TRAM1: variants seen among roughly 807,000 people sequenced by gnomAD.
The protein encoded by TRAM1 is translocation associated membrane protein 1, also known as translocating chain-associated membrane protein 1.
A neutral mutation model predicts 48.7 loss-of-function variants in TRAM1; 17 were observed. The ratio of observed to expected loss-of-function variants is 0.35; its 90% CI spans 0.24 to 0.52. TRAM1 has a LOEUF of 0.52. Ranked by LOEUF, TRAM1 falls within the 20% of genes least tolerant of loss-of-function variation. The probability of loss-of-function intolerance (pLI) is 0.94; values close to 1 mark genes in which losing one functional copy is unlikely to be tolerated. For synonymous variants in TRAM1, 182 were observed against 154.0 expected, an observed-to-expected ratio of 1.18 and a Z score of -1.34; for missense variants, 351 against 441.5, an observed-to-expected ratio of 0.79 and a Z score of 1.84.
intron 2 of TRAM1, 58 bp from the exon 3 acceptor site, chr8:70,598,313 A>G: frequency 6.6e-7 from 1 of 1,519,014 alleles, no homozygotes; most frequent in Non-Finnish European, 8.9e-7. Context: ...TAAAAACAGC[A>G]TTAAGTACAA....
chr8:70,588,720 A>G (rs1404265277), intron 6 of TRAM1, among the ~76,000 whole-genome samples: 1 of 152,280 alleles, frequency 6.6e-6, no homozygotes, highest in East Asian at 1.9e-4. Context: ...CTTTGGTTGC[A>G]GTAAAAATGT....
At chr8:70,588,650 T>C (rs1040942317) in intron 6 of TRAM1, among the ~76,000 whole-genome samples, 2 of 152,172 alleles carry the variant, frequency 1.3e-5, no homozygotes, top group African/African-American at 2.4e-5. Context: ...ATGAAAATTG[T>C]ATTCCACATT....
At chr8:70,600,268 A>T (rs1817579064) in intron 1 of TRAM1, among the ~76,000 whole-genome samples, 186 bp from the exon 2 acceptor site, 1 of 152,174 alleles carries the variant, frequency 6.6e-6, no homozygotes, top group Non-Finnish European at 1.5e-5. Flanking sequence ...TCACTAGAGT[A>T]CTCTTCTGCG....
Position 70,590,404 on chromosome 8 carries a change from G to A in TRAM1, c.571-3228C>T, listed in dbSNP as rs201443356. Among the ~76,000 whole-genome samples the A allele has an allele frequency of 1.1e-4, 16 of 152,236 alleles. No homozygotes were observed. In the East Asian group the frequency reaches 1.3e-3, roughly 13 times the overall value. ...AAATTTCAACCCAATTAGGTGGAGC[G>A]CAGTTGTGCTTGACATTAGCTAAGG... On this transcript the variant is annotated intron_variant, in intron 6 of 10. Transcript: ENST00000262213.
chr8:70,587,083 A>T (rs756407152), intron 7 of TRAM1, 23 bp downstream of exon 7: 6 of 1,613,436 alleles, frequency 3.7e-6, no homozygotes, highest in Non-Finnish European at 5.1e-6. Flanking sequence ...CTACTTACAC[A>T]CCCATGAAAT....
chr8:70,586,447 T>C (rs1459520127), intron 8 of TRAM1, among the ~76,000 whole-genome samples: 1 of 151,344 alleles, frequency 6.6e-6, no homozygotes. Flanking sequence ...AAAAAAAGAG[T>C]CCCAGTTTTA....
chr8:70,603,754 A>G (rs1817660866), intron 1 of TRAM1, among the ~76,000 whole-genome samples: 1 of 152,220 alleles, frequency 6.6e-6, no homozygotes, highest in South Asian at 2.1e-4. Context: ...GAGATTCTTC[A>G]AAGATAAATT....
At chr8:70,587,432 C>G in intron 6 of TRAM1, 1 of 405,450 alleles carries the variant, frequency 2.5e-6, no homozygotes, top group Non-Finnish European at 4.4e-6. Context: ...CCACCGCAAT[C>G]TCTCATCCTC....
intron 6 of TRAM1, among the ~76,000 whole-genome samples, chr8:70,591,970 T>C (rs968059311): frequency 1.3e-5 from 2 of 152,172 alleles, no homozygotes; most frequent in African/African-American, 4.8e-5. Flanking sequence ...AACATCAAAG[T>C]TGCATATGAA....
intron 1 of TRAM1, chr8:70,606,951 C>T: frequency 2.0e-6 from 2 of 982,830 alleles, no homozygotes; most frequent in Non-Finnish European, 2.4e-6. Context: ...TTTTTAAGCA[C>T]TCCTATGTCC....
In TRAM1 at chr8:70,597,983, T is replaced by C. The variant is rs1000166349; in HGVS notation, c.338A>G (p.Lys113Arg). 3.8e-6 allele frequency: 6 copies of C among 1,597,844 alleles called. No homozygotes were observed. Among genetic ancestry groups the C allele is most frequent in the Non-Finnish European group, 5.1e-6 (6 of 1,170,816 alleles). The change falls in exon 4 of 11, where the codon AAA becomes AGA. Residue 113 changes from lysine (K) to arginine (R), a missense_variant. Physicochemically the swap from Lys to Arg is conservative, Grantham distance 26. Coordinates refer to ENST00000262213, the MANE Select transcript of TRAM1 (RefSeq NM_014294.6). ...DKINRRMHFS[K>R]TKHSKFNESG... Reference sequence around the variant, plus strand: ...TTCATTAAACTTGCTGTGTTTTGTTTTGGAGAAGTGCATTCGCCTGTTAAT... The same window carrying C: ...TTCATTAAACTTGCTGTGTTTTGTTCTGGAGAAGTGCATTCGCCTGTTAAT...
chr8:70,603,044 C>T (rs1817636281), intron 1 of TRAM1, among the ~76,000 whole-genome samples: 1 of 152,016 alleles, frequency 6.6e-6, no homozygotes. Flanking sequence ...AGTTGCCGAA[C>T]TGGGTTAGAT....
chr8:70,592,610 C>T (rs1817390183), intron 6 of TRAM1, among the ~76,000 whole-genome samples: 1 of 152,150 alleles, frequency 6.6e-6, no homozygotes, highest in Admixed American at 6.5e-5. Context: ...CTAAAATGAA[C>T]AATTACTTTG....
chr8:70,588,722 T>A (rs1469339166), intron 6 of TRAM1, among the ~76,000 whole-genome samples: 1 of 152,208 alleles, frequency 6.6e-6, no homozygotes, highest in Non-Finnish European at 1.5e-5. Context: ...TTGGTTGCAG[T>A]AAAAATGTTT....
chr8:70,604,375 A>C (rs1291091335), intron 1 of TRAM1, among the ~76,000 whole-genome samples: 1 of 152,216 alleles, frequency 6.6e-6, no homozygotes, highest in African/African-American at 2.4e-5. Context: ...AAAAGTAAAG[A>C]CAATTCTGAA....
Position 70,598,242 on chromosome 8 carries a change from A to C in TRAM1, c.201T>G (p.Thr67=). The change falls in exon 3 of 11, where the codon ACT becomes ACG. Residue 67 remains threonine (T), a synonymous_variant. Coordinates refer to ENST00000262213, the MANE Select transcript of TRAM1 (RefSeq NM_014294.6). ...VTLPATEEQA[T]ESVSLYYYGI... The stretch of plus-strand genomic sequence containing the variant: ...CATAGTAATAAAGGGACACTGATTC[A>C]GTAGCTTGTTCTTCTGAAGACCAAA... 2 of 1,608,240 alleles carry C rather than the reference A, an allele frequency of 1.2e-6. No homozygotes were observed. The highest frequency in any genetic ancestry group is 4.5e-5 in the East Asian group (2 of 44,590).
chr8:70,597,328 T>G (rs911413829), intron 4 of TRAM1, among the ~76,000 whole-genome samples: 2 of 152,178 alleles, frequency 1.3e-5, no homozygotes, highest in African/African-American at 4.8e-5. Context: ...TTACAACTCA[T>G]GTAACCTACG....
chr8:70,605,195 T>C (rs1563392654), intron 1 of TRAM1, among the ~76,000 whole-genome samples: 1 of 152,194 alleles, frequency 6.6e-6, no homozygotes, highest in Non-Finnish European at 1.5e-5. Context: ...TAAAGAATAA[T>C]AATAGCTACC....
chr8:70,586,004 C>T (rs1447363866), intron 8 of TRAM1, among the ~76,000 whole-genome samples: 1 of 150,636 alleles, frequency 6.6e-6, no homozygotes, highest in African/African-American at 2.4e-5. Context: ...TTCACAATAG[C>T]AAAGACTTGG....
Sources: gnomAD v4.1 joint callset for allele counts (sites outside exome capture counted in the v4.1 genomes callset) on GRCh38, gnomAD v4.1.1 for gene constraint, MANE v1.5 for transcripts, NCBI Gene and HGNC (gene_info 2026-07-23, HGNC 2026-07-21) for gene names.